Variants in GABBR2 observed in about 807,000 individuals in gnomAD.
GABBR2 encodes the protein G-protein coupled receptor 51.
In GABBR2, 23 loss-of-function variants were observed where a neutral mutation model predicts 105.6. The observed-to-expected ratio is 0.22, with a 90% CI of 0.16 to 0.31. The LOEUF (loss-of-function observed/expected upper bound fraction) is 0.31. Ranked by LOEUF, GABBR2 falls within the 10% of genes least tolerant of loss-of-function variation. GABBR2 has a pLI of 1.00. For synonymous variants in GABBR2, 478 were observed against 499.7 expected (o/e 0.96, Z 0.58); for missense variants, 734 against 1,245.5 (o/e 0.59, Z 6.18).
intron 5 of GABBR2, among the ~76,000 whole-genome samples, chr9:98,478,628 G>C (rs1272705412): frequency 6.6e-6 from 1 of 152,190 alleles, no homozygotes; most frequent in African/African-American, 2.4e-5. Flanking sequence ...CAAGCCAGGG[G>C]GCTTTGGGTT....
intron 3 of GABBR2, chr9:98,538,798 T>G (rs1828231876): frequency 6.4e-6 from 1 of 155,930 alleles, no homozygotes; most frequent in African/African-American, 2.4e-5. Flanking sequence ...TCCTTTGCAC[T>G]CATGAAAAGC....
chr9:98,424,046 A>G (rs1832830701), intron 7 of GABBR2, among the ~76,000 whole-genome samples: 1 of 152,216 alleles, frequency 6.6e-6, no homozygotes, highest in South Asian at 2.1e-4. Context: ...GTTTGAAGTC[A>G]GGTATCATGA....
intron 1 of GABBR2, among the ~76,000 whole-genome samples, chr9:98,588,215 T>C (rs1349689739): frequency 6.6e-6 from 1 of 152,234 alleles, no homozygotes; most frequent in Non-Finnish European, 1.5e-5. Flanking sequence ...CATTGCTAAA[T>C]CATGTTCAAA....
At chr9:98,373,516 G>C (rs1013317410) in intron 11 of GABBR2, among the ~76,000 whole-genome samples, 1 of 152,012 alleles carries the variant, frequency 6.6e-6, no homozygotes, top group African/African-American at 2.4e-5. Flanking sequence ...CTCAGATGGA[G>C]TCTCCTCAAC....
chr9:98,493,325 G>A (rs965104998), intron 4 of GABBR2, among the ~76,000 whole-genome samples: 2 of 152,108 alleles, frequency 1.3e-5, no homozygotes, highest in Non-Finnish European at 2.9e-5. Flanking sequence ...AGGAGCCCTG[G>A]TTCCTTTTAC....
chr9:98,426,517 C>T (rs1470817325), intron 7 of GABBR2, among the ~76,000 whole-genome samples: 1 of 152,192 alleles, frequency 6.6e-6, no homozygotes, highest in Non-Finnish European at 1.5e-5. Flanking sequence ...AGCCCCCAAC[C>T]TTGGAAACAG....
At chr9:98,322,907 CCT>C (rs1830850040) in intron 13 of GABBR2, among the ~76,000 whole-genome samples, 1 of 152,130 alleles carries the variant, frequency 6.6e-6, no homozygotes, top group East Asian at 1.9e-4. Flanking sequence ...CGCCCCCACC[CCT>C]GTCATCTGTA....
chr9:98,349,255 T>C (rs762017175), intron 13 of GABBR2, among the ~76,000 whole-genome samples: 12 of 152,104 alleles, frequency 7.9e-5, no homozygotes, highest in Admixed American at 3.9e-4. Flanking sequence ...GTTGAATCAT[T>C]CTTGCAACCC....
chr9:98,679,910 T>G (rs1372492139), intron 1 of GABBR2, among the ~76,000 whole-genome samples: 1 of 152,246 alleles, frequency 6.6e-6, no homozygotes, highest in Non-Finnish European at 1.5e-5. Flanking sequence ...TCCACAACTA[T>G]CCACTTTTTC....
chr9:98,687,598 C>T (rs1246776394), intron 1 of GABBR2, among the ~76,000 whole-genome samples: 1 of 152,092 alleles, frequency 6.6e-6, no homozygotes, highest in Non-Finnish European at 1.5e-5. Context: ...CTGCTGTTTC[C>T]TGCCTGCTCT....
chr9:98,634,748 C>G (rs1303740573), intron 1 of GABBR2, among the ~76,000 whole-genome samples: 16 of 152,112 alleles, frequency 1.1e-4, no homozygotes, highest in Admixed American at 1.0e-3. Flanking sequence ...ACTATACTAT[C>G]CCGATCAAAA....
chr9:98,357,181 G>T (rs979826113), intron 13 of GABBR2, among the ~76,000 whole-genome samples: 1 of 152,108 alleles, frequency 6.6e-6, no homozygotes, highest in African/African-American at 2.4e-5. Context: ...TATCAACATT[G>T]GTTCATCATT....
intron 5 of GABBR2, among the ~76,000 whole-genome samples, chr9:98,477,482 C>T (rs1327672870): frequency 6.6e-6 from 1 of 152,208 alleles, no homozygotes; most frequent in East Asian, 1.9e-4. Context: ...AGGCTATCTT[C>T]CAGCCTTGGC....
At chr9:98,430,594 C>A (rs1199753873) in intron 7 of GABBR2, among the ~76,000 whole-genome samples, 1 of 152,154 alleles carries the variant, frequency 6.6e-6, no homozygotes, top group Non-Finnish European at 1.5e-5. Context: ...TGGTTCTTTC[C>A]CTGGTCTCAA....
chr9:98,502,875 T>C (rs1017516073), intron 3 of GABBR2, among the ~76,000 whole-genome samples: 1 of 152,244 alleles, frequency 6.6e-6, no homozygotes, highest in Non-Finnish European at 1.5e-5. Flanking sequence ...TTTTCCAGAA[T>C]GGGCTCTGTT....
intron 3 of GABBR2, among the ~76,000 whole-genome samples, chr9:98,531,816 AGT>A (rs1411170847): frequency 6.6e-6 from 1 of 152,218 alleles, no homozygotes; most frequent in Non-Finnish European, 1.5e-5. Context: ...TTTAGATCAG[AGT>A]TTCAAGGAGA....
rs893356907 is a variant in GABBR2, at chr9:98,559,992, ACACT to A, written c.459+17939_459+17942del. On this transcript the variant is annotated intron_variant, in intron 2 of 18. Transcript: ENST00000259455. The stretch of plus-strand genomic sequence containing the variant: ...GAGGAACAAACACACACACACACAC[ACACT>A]CACACACACACACTTGCTCATATTT... Among the ~76,000 whole-genome samples, 22 of 152,040 alleles carry A rather than the reference ACACT, an allele frequency of 1.4e-4. No homozygotes were observed. The East Asian group carries it at 2.7e-3, about 19-fold the overall frequency.
intron 3 of GABBR2, among the ~76,000 whole-genome samples, chr9:98,530,775 C>A (rs1251388211): frequency 6.6e-6 from 1 of 151,884 alleles, no homozygotes; most frequent in Non-Finnish European, 1.5e-5. Flanking sequence ...TGGAGGGTAA[C>A]CCCATCTCAA....
chr9:98,519,051 T>C (rs1046567353), intron 3 of GABBR2, among the ~76,000 whole-genome samples: 7 of 152,214 alleles, frequency 4.6e-5, no homozygotes, highest in Non-Finnish European at 8.8e-5. Flanking sequence ...CTGTAGAGTC[T>C]GAATGGAATT....
Sources: gnomAD v4.1 joint callset for allele counts (sites outside exome capture counted in the v4.1 genomes callset) on GRCh38, gnomAD v4.1.1 for gene constraint, MANE v1.5 for transcripts, NCBI Gene and HGNC (gene_info 2026-07-23, HGNC 2026-07-21) for gene names.